MAP4: variants seen among roughly 807,000 people sequenced by gnomAD.
The protein encoded by MAP4 is microtubule-associated protein 4.
Under a neutral mutation model 170.2 loss-of-function variants are expected in MAP4, and 76 were observed. The ratio of observed to expected loss-of-function variants is 0.45; its 90% confidence interval spans 0.37 to 0.54. The LOEUF is 0.54. Ranked by LOEUF, MAP4 falls within the 20% of genes least tolerant of loss-of-function variation. The probability of loss-of-function intolerance (pLI) is 0.00; values close to 1 mark genes in which losing one functional copy is unlikely to be tolerated. For missense variants in MAP4, 2,506 were observed against 2,748.0 expected (o/e 0.91, Z 1.97); for synonymous variants, 909 against 994.5 (o/e 0.91, Z 1.62).
intron 1 of MAP4, among the ~76,000 whole-genome samples, chr3:48,054,246 C>T (rs2100129410): frequency 6.6e-6 from 1 of 151,850 alleles, no homozygotes; most frequent in South Asian, 2.1e-4. Context: ...CGCAGTGAGC[C>T]GAGATCGCGC....
At chr3:48,054,715 C>G (rs572386180) in intron 1 of MAP4, among the ~76,000 whole-genome samples, 3 of 143,806 alleles carry the variant, frequency 2.1e-5, no homozygotes, top group Admixed American at 1.4e-4. Flanking sequence ...GGCTGAGACA[C>G]GAGAATCACT....
At chr3:47,877,024 G>A (rs1303660601) in intron 11 of MAP4, 1 of 163,600 alleles carries the variant, frequency 6.1e-6, no homozygotes, top group African/African-American at 2.4e-5. Context: ...TGGGATTACA[G>A]GCATGCATCA....
intron 3 of MAP4, among the ~76,000 whole-genome samples, chr3:47,941,831 A>T (rs1389288426): frequency 6.6e-6 from 1 of 151,762 alleles, no homozygotes; most frequent in Admixed American, 6.6e-5. Context: ...TGTTCTTACT[A>T]ATCTCCTTCA....
At chr3:47,870,712 C>T (rs1312037411) in intron 15 of MAP4, 101 bp downstream of exon 15, 10 of 1,270,340 alleles carry the variant, frequency 7.9e-6, no homozygotes, top group Non-Finnish European at 8.6e-6. Flanking sequence ...AGTCCAGTGT[C>T]CTGACTGCCT....
At chr3:47,918,145 G>T (rs200994409) in intron 6 of MAP4, among the ~76,000 whole-genome samples, 1 of 152,176 alleles carries the variant, frequency 6.6e-6, no homozygotes, top group South Asian at 2.1e-4. Context: ...ACCACGCCCA[G>T]CTAATTTTTT....
At chr3:47,922,098 C>T (rs2100043238) in intron 4 of MAP4, among the ~76,000 whole-genome samples, 1 of 152,062 alleles carries the variant, frequency 6.6e-6, no homozygotes, top group South Asian at 2.1e-4. Flanking sequence ...CAGATGCCCG[C>T]CACCATGCCT....
intron 9 of MAP4, among the ~76,000 whole-genome samples, chr3:47,908,447 T>A (rs1335341916): frequency 6.6e-6 from 1 of 152,134 alleles, no homozygotes; most frequent in Non-Finnish European, 1.5e-5. Flanking sequence ...AATGTATCTG[T>A]ATCATTGAGA....
intron 3 of MAP4, among the ~76,000 whole-genome samples, chr3:47,961,988 C>T (rs1159496607): frequency 6.6e-6 from 1 of 152,144 alleles, no homozygotes; most frequent in Non-Finnish European, 1.5e-5. Context: ...CAAAAGTAAC[C>T]TCGAGTTGCC....
chr3:47,923,539 T>G (rs901316621), intron 4 of MAP4, among the ~76,000 whole-genome samples: 2 of 150,722 alleles, frequency 1.3e-5, no homozygotes, highest in Non-Finnish European at 3.0e-5. Context: ...ATATGGCGAC[T>G]GTGAATAGTC....
chr3:48,043,596 C>T (rs2100122781), intron 1 of MAP4, among the ~76,000 whole-genome samples: 1 of 152,054 alleles, frequency 6.6e-6, no homozygotes, highest in Non-Finnish European at 1.5e-5. Context: ...TCAGTCAGTC[C>T]AAGTTTTTTA....
chr3:48,017,479 TTTTTC>T (rs1416575759), upstream of MAP4, among the ~76,000 whole-genome samples: 8 of 143,920 alleles, frequency 5.6e-5, no homozygotes, highest in Admixed American at 1.3e-4. Context: ...GTCTTTTTCT[TTTTTC>T]TTTTTTTTTT....
chr3:48,001,036 C>T (rs1036144870), intron 1 of MAP4, among the ~76,000 whole-genome samples: 2 of 152,150 alleles, frequency 1.3e-5, no homozygotes, highest in African/African-American at 2.4e-5. Context: ...CAGAAGTCAT[C>T]GTACCCCCAA....
intron 3 of MAP4, among the ~76,000 whole-genome samples, chr3:47,959,183 T>A (rs1034524812): frequency 6.6e-6 from 1 of 151,694 alleles, no homozygotes. Context: ...TACATGAAGG[T>A]GGCCGGGTGT....
chr3:47,998,646 T>C lies in MAP4; in HGVS notation c.215A>G (p.Gln72Arg). 2 of 1,613,438 alleles carry C rather than the reference T, an allele frequency of 1.2e-6. No individual in the cohort carries two copies. Among genetic ancestry groups the C allele is most frequent in the Non-Finnish European group, 1.7e-6 (2 of 1,179,392 alleles). ...CTGGTTTAAATACTTACCTTCAATC[T>C]GGCTAGTTTCTGAGCACGGTTTCTT... ...SKKKPCSETS[Q>R]IEDTPSSKPT... The change falls in exon 2 of 21, where the codon CAG becomes CGG. Residue 72 changes from glutamine (Q) to arginine (R), a missense_variant. By Grantham distance (43) the Gln-to-Arg change is conservative. Coordinates refer to ENST00000683076, the MANE Select transcript of MAP4 (RefSeq NM_001385682.1).
At position 47,870,506 on chromosome 3, in the gene MAP4, T is replaced by C. The variant is rs560699357; in HGVS notation, c.6294+307A>G. Among the ~76,000 whole-genome samples the C allele has an allele frequency of 7.2e-5, 11 of 152,354 alleles. No homozygotes were observed. In the East Asian group the frequency reaches 2.1e-3, roughly 29 times the overall value. ...GTGTCTCTCTCACTTGCAGAGTCTC[T>C]GAGGCCTCCTCTGTTTCTTCTACAA... is the stretch of plus-strand genomic sequence containing the variant. On this transcript the variant is annotated intron_variant, in intron 15 of 20. Transcript: ENST00000683076.
At chr3:48,040,411 G>A (rs1420880731) in intron 1 of MAP4, among the ~76,000 whole-genome samples, 1 of 151,978 alleles carries the variant, frequency 6.6e-6, no homozygotes, top group Non-Finnish European at 1.5e-5. Context: ...TGAGACTACA[G>A]GCGCCTGCAG....
intron 1 of MAP4, among the ~76,000 whole-genome samples, chr3:48,061,377 T>C (rs1490010804): frequency 6.6e-6 from 1 of 152,102 alleles, no homozygotes; most frequent in Non-Finnish European, 1.5e-5. Context: ...ATTTTTTTGG[T>C]GGAGACGGGG....
chr3:48,074,753 T>C (rs1319830797), intron 1 of MAP4, among the ~76,000 whole-genome samples: 1 of 143,646 alleles, frequency 7.0e-6, no homozygotes, highest in Non-Finnish European at 1.5e-5. Context: ...GGTCTCGAAC[T>C]CCTGGGCTCA....
intron 3 of MAP4, among the ~76,000 whole-genome samples, chr3:47,970,421 G>C (rs1169719891): frequency 2.6e-5 from 4 of 152,132 alleles, no homozygotes; most frequent in African/African-American, 7.2e-5. Flanking sequence ...GGAGGTGGAG[G>C]TTGTGGTGAG....
Sources: allele counts gnomAD v4.1 joint callset (sites outside exome capture counted in the v4.1 genomes callset), GRCh38; gene constraint gnomAD v4.1.1; transcripts MANE v1.5; gene names NCBI Gene and HGNC (gene_info 2026-07-23, HGNC 2026-07-21).